The following TENT5C variants were observed in gnomAD, a reference collection of about 807,000 sequenced individuals.
The protein encoded by TENT5C is family with sequence similarity 46 member C.
A neutral mutation model predicts 22.2 loss-of-function variants in TENT5C; 5 were observed. The observed-to-expected ratio is 0.22, with a 90% CI of 0.12 to 0.47. The LOEUF is 0.47. TENT5C is among the 20% of genes least tolerant of loss of function. The pLI is 0.99. For missense variants in TENT5C, 364 were observed against 500.9 expected, an observed-to-expected ratio of 0.73 and a Z score of 2.61; for synonymous variants, 199 against 195.4, an observed-to-expected ratio of 1.02 and a Z score of -0.15.
chr1:117,610,676 C>T (rs897802414), intron 1 of TENT5C, among the ~76,000 whole-genome samples: 1 of 152,152 alleles, frequency 6.6e-6, no homozygotes, highest in Non-Finnish European at 1.5e-5. Flanking sequence ...TACAGGTGCA[C>T]ACCACCACAC....
intron 1 of TENT5C, among the ~76,000 whole-genome samples, chr1:117,617,919 G>A (rs1372396751): frequency 6.6e-6 from 1 of 152,084 alleles, no homozygotes; most frequent in Admixed American, 6.5e-5. Context: ...GACGAGTGAG[G>A]GACAATGAAG....
chr1:117,610,974 CT>C (rs778106810), intron 1 of TENT5C, among the ~76,000 whole-genome samples: 21 of 152,346 alleles, frequency 1.4e-4, no homozygotes, highest in South Asian at 4.1e-4. Context: ...GAAACTGCAA[CT>C]GCCCACACCC....
intron 1 of TENT5C, among the ~76,000 whole-genome samples, chr1:117,618,767 G>GA (rs1653837229): frequency 6.6e-6 from 1 of 152,168 alleles, no homozygotes; most frequent in South Asian, 2.1e-4. Context: ...TTCTAACTTT[G>GA]AATCTACTTC....
At chr1:117,610,599 C>A (rs191890808) in intron 1 of TENT5C, among the ~76,000 whole-genome samples, 2 of 152,342 alleles carry the variant, frequency 1.3e-5, no homozygotes, top group East Asian at 3.9e-4. Flanking sequence ...ACGATCTCTG[C>A]TCACTGCAAC....
rs1653985358 is a variant in TENT5C, at chr1:117,625,338, G to A, written c.*1294G>A. On this transcript the variant is annotated 3_prime_UTR_variant, in exon 2 of 2. Transcript: ENST00000369448. The stretch of plus-strand genomic sequence containing the variant: ...TTCCAGTATATTTGGGAAGAATTGA[G>A]TGAATGAGAATGCTCTTCCTTATTC... 4.0e-6 allele frequency: 1 copy of A among 248,006 alleles called. No individual in the cohort carries two copies. The highest frequency in any genetic ancestry group is 8.5e-6 in the Non-Finnish European group (1 of 118,134). The allele number at this position is 248,006 out of a possible 1,614,324, so 15.4% of individuals were successfully genotyped here.
Position 117,624,106 on chromosome 1 carries a change from G to A in TENT5C, c.*62G>A, listed in dbSNP as rs1010575295. The stretch of plus-strand genomic sequence containing the variant: ...ATAGGGCTAGGGCTCTCAGGTAGGG[G>A]AGCCTCCTTCTAGATGTAGGCATTT... On this transcript the variant is annotated 3_prime_UTR_variant, in exon 2 of 2. Coordinates refer to ENST00000369448, the MANE Select transcript of TENT5C (RefSeq NM_017709.4). 66 of 1,415,042 alleles carry A rather than the reference G, an allele frequency of 4.7e-5. No homozygotes were observed. Among genetic ancestry groups the A allele is most frequent in the Non-Finnish European group, 5.9e-5 (62 of 1,045,946 alleles). 87.7% of individuals were successfully genotyped at this position (1,415,042 alleles called of 1,614,324 possible). A position where few individuals can be genotyped will look rare whatever the true frequency, so the allele number is the denominator to read the frequency against.
chr1:117,614,139 T>C (rs1038408177), intron 1 of TENT5C, among the ~76,000 whole-genome samples: 1 of 152,172 alleles, frequency 6.6e-6, no homozygotes, highest in East Asian at 1.9e-4. Flanking sequence ...CCCCTCCCTA[T>C]GTGGGGGGTC....
At chr1:117,616,171 C>T (rs1653776925) in intron 1 of TENT5C, among the ~76,000 whole-genome samples, 2 of 152,138 alleles carry the variant, frequency 1.3e-5, no homozygotes, top group Non-Finnish European at 1.5e-5. Context: ...AACCTTATTA[C>T]TTAATTTGTG....
intron 1 of TENT5C, among the ~76,000 whole-genome samples, chr1:117,613,910 C>A (rs2101074921): frequency 6.6e-6 from 1 of 152,234 alleles, no homozygotes; most frequent in South Asian, 2.1e-4. Context: ...GTGTTGCGGG[C>A]ATTTAAGTGG....
intron 1 of TENT5C, among the ~76,000 whole-genome samples, chr1:117,618,797 T>C (rs1165653851): frequency 1.3e-5 from 2 of 152,224 alleles, no homozygotes; most frequent in African/African-American, 4.8e-5. Context: ...AGAGGAAGTA[T>C]TTGGTACAGA....
At chr1:117,621,731 G>A (rs375895699) in intron 1 of TENT5C, among the ~76,000 whole-genome samples, 6 of 152,170 alleles carry the variant, frequency 3.9e-5, no homozygotes, top group South Asian at 2.1e-4. Context: ...TGAGGACAGC[G>A]CCTTGACACT....
rs534504195 is a variant in TENT5C at position 117,625,651 on chromosome 1, C to G, written c.*1607C>G. 4.0e-5 allele frequency: 10 copies of G among 247,968 alleles called. No individual in the cohort carries two copies. Among genetic ancestry groups the G allele is most frequent in the Non-Finnish European group, 3.4e-5 (4 of 118,144 alleles). 15.4% of individuals were successfully genotyped at this position (247,968 alleles called of 1,614,324 possible). A position where few individuals can be genotyped will look rare whatever the true frequency, so the allele number is the denominator to read the frequency against. ...TTCCTTTGGCTATGAAAACCCAAAG[C>G]CCGGAGTGATTGTTTTCTCCTTGCT... On this transcript the variant is annotated 3_prime_UTR_variant, in exon 2 of 2. Coordinates refer to ENST00000369448, the MANE Select transcript of TENT5C (RefSeq NM_017709.4).
Position 117,624,164 on chromosome 1 carries a change from C to CTT in TENT5C, c.*135_*136dup, listed in dbSNP as rs4026613. The CTT allele has an allele frequency of 0.027, 16,596 of 620,418 alleles. 105 individuals carry two copies. The highest frequency in any genetic ancestry group is 0.069 in the African/African-American group (3,296 of 47,502). The allele number at this position is 620,418 out of a possible 1,614,324, so 38.4% of individuals were successfully genotyped here. A position where few individuals can be genotyped will look rare whatever the true frequency, so the allele number is the denominator to read the frequency against. The stretch of plus-strand genomic sequence containing the variant: ...AAAGGGGAACTCAGCTCTGATTCTG[C>CTT]TTTTTTTTTTTTTTTTCCTTTGTGT... On this transcript the variant is annotated 3_prime_UTR_variant, in exon 2 of 2. Transcript: ENST00000369448.
Position 117,623,250 on chromosome 1 carries a change from A to G in TENT5C, c.382A>G (p.Lys128Glu). 6.2e-7 allele frequency: 1 copy of G among 1,614,134 alleles called. No individual in the cohort carries two copies. The highest frequency in any genetic ancestry group is 8.5e-7 in the Non-Finnish European group (1 of 1,179,964). The change falls in exon 2 of 2, where the codon AAA becomes GAA. Residue 128 changes from lysine (K) to glutamate (E), a missense_variant. By Grantham distance (56) the Lys-to-Glu change is moderately conservative. Transcript: ENST00000369448. ...CCTGCCAGAGGGTGTGAACAAGCTCAAAATCAGTCCAGTCACTCTGAAGGA... is the reference window on the plus strand; with the variant it reads ...CCTGCCAGAGGGTGTGAACAAGCTCGAAATCAGTCCAGTCACTCTGAAGGA... ...NFLPEGVNKL[K>E]ISPVTLKEAY...
intron 1 of TENT5C, among the ~76,000 whole-genome samples, chr1:117,607,371 C>T (rs1653564987): frequency 1.3e-5 from 2 of 152,132 alleles, no homozygotes; most frequent in Admixed American, 6.5e-5. Flanking sequence ...AACATTTTTG[C>T]TTTCTTACGG....
At position 117,615,185 on chromosome 1, in the gene TENT5C, T is replaced by C. The variant is rs374335104; in HGVS notation, c.-27-7657T>C. On this transcript the variant is annotated intron_variant, in intron 1 of 1. Transcript: ENST00000369448. ...GCCAAACTTCTTTCCTACCATCTTA[T>C]TTTTTAAAAATCTTTATACCTTCCT... Among the ~76,000 whole-genome samples, 28 of 152,354 alleles carry C rather than the reference T, an allele frequency of 1.8e-4. No individual in the cohort carries two copies. In the East Asian group the frequency reaches 4.2e-3, roughly 23 times the overall value.
chr1:117,609,993 C>T (rs566622251), intron 1 of TENT5C, among the ~76,000 whole-genome samples: 2 of 152,274 alleles, frequency 1.3e-5, no homozygotes, highest in African/African-American at 4.8e-5. Flanking sequence ...AGCTGAGCTC[C>T]AGACCCACTC....
chr1:117,608,609 T>C (rs958883507), intron 1 of TENT5C, among the ~76,000 whole-genome samples: 8 of 152,200 alleles, frequency 5.3e-5, no homozygotes, highest in African/African-American at 1.9e-4. Flanking sequence ...TGATAGAAAA[T>C]TTAAAAACTT....
chr1:117,613,652 C>T lies in TENT5C; in HGVS notation c.-28+7499C>T, dbSNP rs534537867. Among the ~76,000 whole-genome samples, 9 of 152,280 alleles carry T rather than the reference C, an allele frequency of 5.9e-5. 1 individual carries two copies. The South Asian group carries it at 1.7e-3, about 28-fold the overall frequency. ...TTCTGTGGCCTGCCTGGGTTTCAGTCCAGGGCTGCTTTCCACAGCTCATGT... is the reference window on the plus strand; with the variant it reads ...TTCTGTGGCCTGCCTGGGTTTCAGTTCAGGGCTGCTTTCCACAGCTCATGT... On this transcript the variant is annotated intron_variant, in intron 1 of 1. Coordinates refer to ENST00000369448, the MANE Select transcript of TENT5C (RefSeq NM_017709.4).
Sources: allele counts gnomAD v4.1 joint callset (sites outside exome capture counted in the v4.1 genomes callset), GRCh38; gene constraint gnomAD v4.1.1; transcripts MANE v1.5; gene names NCBI Gene and HGNC (gene_info 2026-07-23, HGNC 2026-07-21).